SPATA7: variants seen among roughly 807,000 people sequenced by gnomAD.
The protein encoded by SPATA7 is spermatogenesis-associated protein 7.
SPATA7 carries 43 observed loss-of-function variants against 51.8 expected under a neutral mutation model. The observed-to-expected ratio is 0.83, with a 90% confidence interval of 0.65 to 1.07. SPATA7 has a LOEUF of 1.07. Among genes scored for constraint, SPATA7 ranks in the 50% least tolerant of loss-of-function variants. The probability of loss-of-function intolerance (pLI) is 0.00; values close to 1 mark genes in which losing one functional copy is unlikely to be tolerated. For synonymous variants in SPATA7, 230 were observed against 252.8 expected, an observed-to-expected ratio of 0.91 and a Z score of 0.86; for missense variants, 683 against 701.3, an observed-to-expected ratio of 0.97 and a Z score of 0.30.
intron 4 of SPATA7, chr14:88,466,143 T>C (rs959213297): frequency 2.6e-5 from 4 of 152,164 alleles, no homozygotes; most frequent in Admixed American, 2.6e-4. Context: ...TCTTATTCCT[T>C]TCTTCTAAGG....
chr14:88,460,903 CTGTT>C (rs2077313271), intron 4 of SPATA7, among the ~76,000 whole-genome samples: 1 of 152,204 alleles, frequency 6.6e-6, no homozygotes, highest in Non-Finnish European at 1.5e-5. Flanking sequence ...GATGTCCTTT[CTGTT>C]TGTTAGTTTT....
Position 88,421,201 on chromosome 14 carries a change from A to G in SPATA7, c.372+4357A>G, listed in dbSNP as rs116554476. Among the ~76,000 whole-genome samples the G allele has an allele frequency of 2.1e-3, 322 of 152,226 alleles. 4 individuals are homozygous for G. Among genetic ancestry groups the G allele is most frequent in the African/African-American group, 7.3e-3 (305 of 41,560 alleles). On this transcript the variant is annotated intron_variant, in intron 5 of 11. Coordinates refer to ENST00000393545, the MANE Select transcript of SPATA7 (RefSeq NM_018418.5). ...CCACTGTCTCCTTTTTGAGTTTGTTAGAGTTGGTATTAGAAGGCCAGCAGT... is the reference window on the plus strand; with the variant it reads ...CCACTGTCTCCTTTTTGAGTTTGTTGGAGTTGGTATTAGAAGGCCAGCAGT...
intron 8 of SPATA7, 136 bp from the exon 9 acceptor site, chr14:88,431,036 T>A (rs1430507129): frequency 2.3e-6 from 2 of 866,664 alleles, no homozygotes; most frequent in Non-Finnish European, 3.9e-6. Context: ...TATTCCAAAA[T>A]CCAAATTCTG....
intron 4 of SPATA7, among the ~76,000 whole-genome samples, chr14:88,402,980 A>C (rs987201570): frequency 6.7e-6 from 1 of 149,932 alleles, no homozygotes; most frequent in African/African-American, 2.5e-5. Context: ...AAAAAAAAAA[A>C]AAACCCAAAA....
chr14:88,427,667 A>T lies in SPATA7; in HGVS notation c.883A>T (p.Met295Leu), dbSNP rs368583613. 2 of 1,610,446 alleles carry T rather than the reference A, an allele frequency of 1.2e-6. No individual in the cohort carries two copies. Among genetic ancestry groups the T allele is most frequent in the Admixed American group, 1.7e-5 (1 of 59,864 alleles). Residue 295 changes from methionine (M) to leucine (L), a missense_variant, in exon 7 of 12, where the codon ATG (methionine) becomes TTG (leucine). Transcript: ENST00000393545. ...SELGTAETKN[M>L]TDSEMNIKQA... is the part of the protein sequence containing the mutation. ...GTTGGGGACAGCTGAGACTAAAAACATGACAGATTCAGAAATGAACATAAA... is the reference window on the plus strand; with the variant it reads ...GTTGGGGACAGCTGAGACTAAAAACTTGACAGATTCAGAAATGAACATAAA...
chr14:88,410,893 A>G, intron 4 of SPATA7: 1 of 152,980 alleles, frequency 6.5e-6, no homozygotes, highest in Non-Finnish European at 1.5e-5. Flanking sequence ...GTCCCTTAGC[A>G]GAGCTCAAGC....
intron 3 of SPATA7, among the ~76,000 whole-genome samples, chr14:88,394,526 A>G (rs893831852): frequency 3.3e-5 from 5 of 152,180 alleles, no homozygotes; most frequent in Non-Finnish European, 7.3e-5. Flanking sequence ...CATTTAATGA[A>G]TAGACCACAA....
intron 4 of SPATA7, chr14:88,468,194 C>T: frequency 1.9e-6 from 3 of 1,612,994 alleles, no homozygotes; most frequent in Non-Finnish European, 2.5e-6. Flanking sequence ...CAAATGTGTA[C>T]TGGCAGAGAG....
At chr14:88,453,148 G>C (rs1030345153) in intron 3 of SPATA7, among the ~76,000 whole-genome samples, 2 of 152,176 alleles carry the variant, frequency 1.3e-5, no homozygotes, top group Admixed American at 1.3e-4. Flanking sequence ...TCAAGAGGAA[G>C]GACCTGTTTC....
chr14:88,404,605 T>A (rs2076155718), intron 4 of SPATA7, among the ~76,000 whole-genome samples: 1 of 152,012 alleles, frequency 6.6e-6, no homozygotes, highest in Non-Finnish European at 1.5e-5. Context: ...TAGTTCCAGC[T>A]ACTCGGGAGG....
intron 1 of SPATA7, among the ~76,000 whole-genome samples, chr14:88,390,207 G>C (rs1281883980): frequency 1.3e-5 from 2 of 151,878 alleles, no homozygotes; most frequent in Non-Finnish European, 1.5e-5. Context: ...TTAGCCTTTT[G>C]ACTACAAATG....
intron 4 of SPATA7, among the ~76,000 whole-genome samples, chr14:88,404,158 G>T (rs1268439536): frequency 6.6e-6 from 1 of 152,016 alleles, no homozygotes; most frequent in African/African-American, 2.4e-5. Flanking sequence ...GTATTGACTG[G>T]ACCAAAAGAA....
In SPATA7 at chr14:88,429,371, T is replaced by A; in HGVS notation, c.936T>A (p.Asp312Glu). 4 of 1,611,366 alleles carry A rather than the reference T, an allele frequency of 2.5e-6. No homozygotes were observed. Among genetic ancestry groups the A allele is most frequent in the Non-Finnish European group, 3.4e-6 (4 of 1,177,818 alleles). ...IKQASNCVTY[D>E]AKEKIAPLPL... is the part of the protein sequence containing the mutation. ...AGGCATCTAATTGTGTGACATATGATGCCAAAGAAAAAATAGCTCCTTTAC... is the reference window on the plus strand; with the variant it reads ...AGGCATCTAATTGTGTGACATATGAAGCCAAAGAAAAAATAGCTCCTTTAC... Residue 312 changes from aspartate (D) to glutamate (E), a missense_variant, in exon 8 of 12, where the codon GAT becomes GAA. Coordinates refer to ENST00000393545, the MANE Select transcript of SPATA7 (RefSeq NM_018418.5).
chr14:88,426,084 A>C (rs2076782604), intron 5 of SPATA7, 148 bp from the exon 6 acceptor site: 1 of 653,034 alleles, frequency 1.5e-6, no homozygotes, highest in African/African-American at 1.8e-5. Flanking sequence ...CTTGACTAGA[A>C]CTTCAGATAA....
downstream of SPATA7, among the ~76,000 whole-genome samples, chr14:88,459,841 A>G (rs2077305927): frequency 1.3e-5 from 2 of 152,130 alleles, no homozygotes; most frequent in Non-Finnish European, 2.9e-5. Context: ...ATGTTTTTGC[A>G]GTGGCTGGTA....
intron 5 of SPATA7, 137 bp from the exon 6 acceptor site, chr14:88,426,095 A>C: frequency 3.0e-6 from 2 of 673,666 alleles, no homozygotes; most frequent in Non-Finnish European, 5.3e-6. Flanking sequence ...CTTCAGATAA[A>C]ATATTAACAT....
Position 88,469,778 on chromosome 14 carries a change from G to C in SPATA7, c.255-69G>C. 6.2e-7 allele frequency: 1 copy of C among 1,603,968 alleles called. No homozygotes were observed. Among genetic ancestry groups the C allele is most frequent in the Non-Finnish European group, 8.5e-7 (1 of 1,170,944 alleles). ...TTAAATGACTCGAGATCCGGCAATG[G>C]ATGCCTTTCTCACATAGACGGCACA... On this transcript the variant is annotated intron_variant, in intron 4 of 4. Transcript: ENST00000556406. This position sits in a 1 kb window ranked among gnomAD's most constrained non-coding sequence, Gnocchi z 4.3.
chr14:88,427,958 T>C, intron 7 of SPATA7: 1 of 379,484 alleles, frequency 2.6e-6, no homozygotes, highest in Non-Finnish European at 4.9e-6. Context: ...GCTGGACAAA[T>C]GGAAGGATCA....
At chr14:88,398,778 T>C (rs409002) in intron 4 of SPATA7, among the ~76,000 whole-genome samples, 144,583 of 152,200 alleles carry the variant, frequency 0.95, 68,982 homozygotes, top group Non-Finnish European at 0.99. Context: ...ATCAGCCAGG[T>C]GCAGTGGCTC....
Sources: gnomAD v4.1 joint callset for allele counts (sites outside exome capture counted in the v4.1 genomes callset) on GRCh38, gnomAD v4.1.1 for gene constraint, Gnocchi (gnomAD v3.1) non-coding constraint, MANE v1.5 for transcripts, NCBI Gene and HGNC (gene_info 2026-07-23, HGNC 2026-07-21) for gene names.